Variants in CDH12 observed in about 807,000 individuals in gnomAD.
CDH12 encodes cadherin-12.
A neutral mutation model predicts 74.1 loss-of-function variants in CDH12; 41 were observed. That is an observed-to-expected ratio of 0.55 (90% CI 0.43 to 0.72). CDH12 has a LOEUF of 0.72. Among genes scored for constraint, CDH12 ranks in the 30% least tolerant of loss-of-function variants. The pLI, the probability that CDH12 is intolerant of heterozygous loss-of-function variation, is 0.00. For synonymous variants in CDH12, 399 were observed against 355.0 expected, an observed-to-expected ratio of 1.12 and a Z score of -1.39; for missense variants, 945 against 977.2, an observed-to-expected ratio of 0.97 and a Z score of 0.44.
At chr5:22,565,323 G>A (rs1739236879) in intron 1 of CDH12, among the ~76,000 whole-genome samples, 1 of 152,156 alleles carries the variant, frequency 6.6e-6, no homozygotes, top group African/African-American at 2.4e-5. Context: ...AATCTCCATA[G>A]TCTTCTCCAT....
intron 6 of CDH12, among the ~76,000 whole-genome samples, chr5:21,947,477 G>T (rs577467642): frequency 1.2e-3 from 177 of 152,298 alleles, no homozygotes; most frequent in African/African-American, 3.7e-3. Context: ...AGAGCCCAAA[G>T]ATCACTCTTA....
chr5:22,202,506 T>TA (rs1750983842), intron 4 of CDH12, among the ~76,000 whole-genome samples: 1 of 152,252 alleles, frequency 6.6e-6, no homozygotes, highest in Admixed American at 6.5e-5. Context: ...ATCTCTGAAA[T>TA]AAAAAGCTCA....
At chr5:22,555,787 C>T (rs189874649) in intron 1 of CDH12, among the ~76,000 whole-genome samples, 48 of 151,236 alleles carry the variant, frequency 3.2e-4, no homozygotes, top group Non-Finnish European at 6.2e-4. Flanking sequence ...CTGTTTATAC[C>T]CCACATTATA....
At position 22,165,182 on chromosome 5, in the gene CDH12, ATTTCAT is replaced by A. The variant is rs201711149; in HGVS notation, c.-187+47310_-187+47315del. Among the ~76,000 whole-genome samples the A allele has an allele frequency of 1.5e-3, 227 of 152,208 alleles. 2 individuals are homozygous for A. The highest frequency in any genetic ancestry group is 9.5e-3 in the East Asian group (49 of 5,164). On this transcript the variant is annotated intron_variant, in intron 4 of 14. Coordinates refer to ENST00000382254, the MANE Select transcript of CDH12 (RefSeq NM_004061.5). ...GCTCATCACCCTGCAACTAATCCAC[ATTTCAT>A]TCAGGGTAAGAGTCAAACTCCTGAC...
At chr5:22,751,310 A>G (rs1400998082) in intron 1 of CDH12, among the ~76,000 whole-genome samples, 1 of 141,594 alleles carries the variant, frequency 7.1e-6, no homozygotes, top group East Asian at 2.0e-4. Context: ...AAATAGAATT[A>G]TTAAACTGTG....
intron 1 of CDH12, among the ~76,000 whole-genome samples, chr5:22,571,973 CAG>C (rs962286353): frequency 6.6e-6 from 1 of 152,046 alleles, no homozygotes; most frequent in Non-Finnish European, 1.5e-5. Flanking sequence ...AAATGTGACA[CAG>C]AGACATAAAG....
chr5:22,029,023 A>G lies in CDH12; in HGVS notation c.231+49423T>C, dbSNP rs550235928. Among the ~76,000 whole-genome samples, 267 of 152,346 alleles carry G rather than the reference A, an allele frequency of 1.8e-3. 3 individuals are homozygous for G. The highest frequency in any genetic ancestry group is 5.9e-3 in the African/African-American group (246 of 41,590). On this transcript the variant is annotated intron_variant, in intron 5 of 14. Coordinates refer to ENST00000382254, the MANE Select transcript of CDH12 (RefSeq NM_004061.5). ...ACAAGCAATGGGGAAAGGATTCCCT[A>G]TTTAACAAATGGTGCTGGGAAAACC...
Position 21,876,105 on chromosome 5 carries a change from A to G in CDH12, c.527-21315T>C, listed in dbSNP as rs187808166. ...GAGACAGGATTTCACCATGTTGGCC[A>G]GGATGGTCTCCATCTCTTGACCTCA... On this transcript the variant is annotated intron_variant, in intron 6 of 14. Coordinates refer to ENST00000382254, the MANE Select transcript of CDH12 (RefSeq NM_004061.5). Among the ~76,000 whole-genome samples the G allele has an allele frequency of 5.3e-5, 8 of 152,248 alleles. No homozygotes were observed. The East Asian group carries it at 1.5e-3, about 29-fold the overall frequency.
intron 3 of CDH12, among the ~76,000 whole-genome samples, chr5:22,229,527 A>G (rs1316348995): frequency 1.3e-5 from 2 of 152,084 alleles, no homozygotes; most frequent in Non-Finnish European, 2.9e-5. Flanking sequence ...CATGGAAATT[A>G]GATGAATGCT....
intron 5 of CDH12, among the ~76,000 whole-genome samples, chr5:21,994,946 C>G (rs1409336603): frequency 6.6e-6 from 1 of 152,104 alleles, no homozygotes; most frequent in Non-Finnish European, 1.5e-5. Flanking sequence ...GGAGTGGGGT[C>G]CTCTTCTACA....
In CDH12 at chr5:21,817,963, A is replaced by G. The variant is rs534872945; in HGVS notation, c.815-831T>C. Among the ~76,000 whole-genome samples the G allele has an allele frequency of 4.3e-4, 66 of 152,054 alleles. 2 individuals are homozygous for G. The highest frequency in any genetic ancestry group is 2.4e-5 in the African/African-American group (1 of 41,454). ...ATACTCTACAAAAAAATAAAAACAT[A>G]GACATTATTTTAAGGTTTTGTAGAA... On this transcript the variant is annotated intron_variant, in intron 8 of 14. Transcript: ENST00000382254.
intron 3 of CDH12, among the ~76,000 whole-genome samples, chr5:22,335,608 A>G (rs777380237): frequency 5.0e-4 from 76 of 151,796 alleles, no homozygotes; most frequent in Non-Finnish European, 9.4e-4. Flanking sequence ...AAACAAAAAC[A>G]AAAACAAGGG....
intron 1 of CDH12, among the ~76,000 whole-genome samples, chr5:22,521,787 T>C (rs1327540308): frequency 6.6e-6 from 1 of 152,148 alleles, no homozygotes; most frequent in African/African-American, 2.4e-5. Flanking sequence ...TGAAACATTA[T>C]CTACAAAAGG....
chr5:22,656,481 G>A (rs1396056469), intron 1 of CDH12, among the ~76,000 whole-genome samples: 1 of 152,160 alleles, frequency 6.6e-6, no homozygotes, highest in Admixed American at 6.5e-5. Context: ...CACTGTATGA[G>A]CATAGACATA....
chr5:22,184,707 A>C (rs931096913), intron 4 of CDH12, among the ~76,000 whole-genome samples: 1 of 152,248 alleles, frequency 6.6e-6, no homozygotes, highest in African/African-American at 2.4e-5. Flanking sequence ...GTGCAGAACC[A>C]GCTCAAAGTC....
chr5:21,868,677 T>C (rs1751460445), intron 6 of CDH12, among the ~76,000 whole-genome samples: 1 of 152,186 alleles, frequency 6.6e-6, no homozygotes, highest in Non-Finnish European at 1.5e-5. Flanking sequence ...GCTATGCCTG[T>C]CCCACCATTG....
intron 3 of CDH12, among the ~76,000 whole-genome samples, chr5:22,365,518 T>C (rs1405768133): frequency 6.6e-6 from 1 of 152,142 alleles, no homozygotes; most frequent in Non-Finnish European, 1.5e-5. Context: ...ATTATATAGA[T>C]AAATAAGCAC....
intron 8 of CDH12, among the ~76,000 whole-genome samples, chr5:21,820,423 A>G (rs533420066): frequency 1.3e-5 from 2 of 152,104 alleles, no homozygotes; most frequent in Admixed American, 6.6e-5. Context: ...TTCCACTAAC[A>G]TGCACCCCTT....
intron 2 of CDH12, among the ~76,000 whole-genome samples, chr5:22,502,750 A>G (rs922778605): frequency 2.6e-5 from 4 of 152,026 alleles, no homozygotes; most frequent in African/African-American, 9.7e-5. Flanking sequence ...TCCACATCCT[A>G]TAAAAGATAA....
Sources: gnomAD v4.1 joint callset for allele counts (sites outside exome capture counted in the v4.1 genomes callset) on GRCh38, gnomAD v4.1.1 for gene constraint, MANE v1.5 for transcripts, NCBI Gene and HGNC (gene_info 2026-07-23, HGNC 2026-07-21) for gene names.